ITGB8: variants seen among roughly 807,000 people sequenced by gnomAD.
The protein encoded by ITGB8 is integrin subunit beta 8.
ITGB8 carries 30 observed loss-of-function variants against 89.5 expected under a neutral mutation model. The ratio of observed to expected loss-of-function variants is 0.34; its 90% CI spans 0.25 to 0.45. The LOEUF (loss-of-function observed/expected upper bound fraction) is 0.45, where lower values mean the gene tolerates loss of function less well. Ranked by LOEUF, ITGB8 falls within the 20% of genes least tolerant of loss-of-function variation. ITGB8 has a pLI of 1.00. For missense variants in ITGB8, 836 were observed against 933.3 expected, an observed-to-expected ratio of 0.90 and a Z score of 1.36; for synonymous variants, 335 against 320.4, an observed-to-expected ratio of 1.05 and a Z score of -0.49.
intron 10 of ITGB8, among the ~76,000 whole-genome samples, chr7:20,402,944 T>G (rs1787374102): frequency 6.6e-6 from 1 of 152,222 alleles, no homozygotes; most frequent in Non-Finnish European, 1.5e-5. Context: ...TGTGACAATG[T>G]GCTAAATTTA....
intron 7 of ITGB8, among the ~76,000 whole-genome samples, chr7:20,393,245 C>T (rs1218105255): frequency 2.0e-5 from 3 of 152,170 alleles, no homozygotes; most frequent in Non-Finnish European, 4.4e-5. Flanking sequence ...CAGTTTCTTC[C>T]TATTCCTTTA....
At chr7:20,395,639 T>C (rs1285260065) in intron 8 of ITGB8, among the ~76,000 whole-genome samples, 3 of 152,198 alleles carry the variant, frequency 2.0e-5, no homozygotes, top group Non-Finnish European at 4.4e-5. Context: ...CCACCTCTGT[T>C]AAGATGTTGT....
intron 11 of ITGB8, among the ~76,000 whole-genome samples, chr7:20,405,459 C>T (rs566014653): frequency 1.6e-3 from 233 of 149,838 alleles, no homozygotes; most frequent in African/African-American, 5.5e-3. Context: ...TACAGGTGCC[C>T]GCCACCACGC....
intron 1 of ITGB8, among the ~76,000 whole-genome samples, chr7:20,332,406 C>A (rs1252826991): frequency 6.6e-6 from 1 of 152,106 alleles, no homozygotes; most frequent in Non-Finnish European, 1.5e-5. Context: ...AGACAGCATA[C>A]AAGTTTCTGC....
chr7:20,345,796 A>C (rs965242127), intron 1 of ITGB8, among the ~76,000 whole-genome samples: 13 of 152,160 alleles, frequency 8.5e-5, no homozygotes, highest in Non-Finnish European at 1.6e-4. Context: ...ACAAGGTCTA[A>C]ATTTCTTAAC....
At chr7:20,401,068 G>A (rs919814516) in intron 9 of ITGB8, among the ~76,000 whole-genome samples, 10 of 151,692 alleles carry the variant, frequency 6.6e-5, no homozygotes, top group Admixed American at 1.3e-4. Flanking sequence ...TCTGTCTTCC[G>A]GGTTCAAGCA....
rs962166884 is a variant in ITGB8, at chr7:20,393,895, G to A, written c.1057-1001G>A. On this transcript the variant is annotated intron_variant, in intron 7 of 13. Transcript: ENST00000222573. ...TGCTGGCCAGGTATCCCTTTCATTA[G>A]GGTCTGTGCACATCTCTATTGTTTC... 1.4e-4 allele frequency among the ~76,000 whole-genome samples: 22 copies of A among 152,150 alleles called. 1 individual carries two copies. Among genetic ancestry groups the A allele is most frequent in the Admixed American group, 8.5e-4 (13 of 15,268 alleles).
chr7:20,382,380 CTATT>C (rs1786435456), intron 6 of ITGB8, among the ~76,000 whole-genome samples: 1 of 152,154 alleles, frequency 6.6e-6, no homozygotes, highest in Admixed American at 6.6e-5. Context: ...TGCATCTTAT[CTATT>C]TAAGGTCTCT....
chr7:20,402,164 C>G, intron 10 of ITGB8, 38 bp downstream of exon 10: 1 of 1,495,402 alleles, frequency 6.7e-7, no homozygotes, highest in Admixed American at 2.1e-5. Flanking sequence ...TTACTTGTCA[C>G]TATTACACCA....
intron 2 of ITGB8, chr7:20,365,852 A>C (rs891202361): frequency 6.6e-5 from 10 of 151,578 alleles, no homozygotes; most frequent in East Asian, 1.9e-4. Context: ...ATGATTCCTC[A>C]ACCAGCAAGG....
At chr7:20,340,298 C>T (rs1784713818) in intron 1 of ITGB8, among the ~76,000 whole-genome samples, 1 of 152,124 alleles carries the variant, frequency 6.6e-6, no homozygotes, top group African/African-American at 2.4e-5. Context: ...TTCACAGTCT[C>T]GTGATAGTAC....
intron 1 of ITGB8, chr7:20,353,437 C>A (rs889694357): frequency 6.6e-6 from 1 of 152,110 alleles, no homozygotes; most frequent in Admixed American, 6.5e-5. Flanking sequence ...GGGATACTCA[C>A]CTTTCAAGGG....
chr7:20,385,330 G>A (rs1786565997), intron 6 of ITGB8, among the ~76,000 whole-genome samples: 1 of 152,196 alleles, frequency 6.6e-6, no homozygotes, highest in African/African-American at 2.4e-5. Flanking sequence ...CATTCCTATT[G>A]TATGTACTAG....
At chr7:20,334,651 C>T (rs1000700894) in intron 1 of ITGB8, among the ~76,000 whole-genome samples, 11 of 152,054 alleles carry the variant, frequency 7.2e-5, no homozygotes, top group Non-Finnish European at 1.0e-4. Context: ...CTAAAGTGAT[C>T]GGATATTTAA....
At chr7:20,367,339 A>AT (rs141474923) in intron 3 of ITGB8, among the ~76,000 whole-genome samples, 153 bp downstream of exon 3, 2,597 of 152,334 alleles carry the variant, frequency 0.017, 36 homozygotes, top group South Asian at 0.034. Flanking sequence ...TCTAGTCTTT[A>AT]TAGTGCCTGC....
intron 1 of ITGB8, chr7:20,346,645 C>T (rs1437583728): frequency 4.6e-5 from 43 of 930,504 alleles, no homozygotes; most frequent in East Asian, 1.2e-4. Flanking sequence ...TGAAGTGAGG[C>T]GTTGACTCTA....
chr7:20,392,199 T>C (rs1786889446), intron 7 of ITGB8, among the ~76,000 whole-genome samples: 1 of 152,186 alleles, frequency 6.6e-6, no homozygotes, highest in South Asian at 2.1e-4. Context: ...TCTCTTGTTC[T>C]CATTTTCATG....
chr7:20,341,847 G>C (rs187216425), intron 1 of ITGB8, among the ~76,000 whole-genome samples: 1 of 151,692 alleles, frequency 6.6e-6, no homozygotes, highest in Non-Finnish European at 1.5e-5. Context: ...CAGACATCAG[G>C]GCTTTTTGGA....
chr7:20,403,224 A>C (rs149342954), intron 10 of ITGB8, among the ~76,000 whole-genome samples: 2 of 152,202 alleles, frequency 1.3e-5, no homozygotes. Context: ...GATGGATTAT[A>C]GATGACTTTA....
Sources: gnomAD v4.1 joint callset for allele counts (sites outside exome capture counted in the v4.1 genomes callset) on GRCh38, gnomAD v4.1.1 for gene constraint, MANE v1.5 for transcripts, NCBI Gene and HGNC (gene_info 2026-07-23, HGNC 2026-07-21) for gene names.